The following SLC44A2 variants were observed in gnomAD, a reference collection of about 807,000 sequenced individuals.
SLC44A2 encodes choline transporter-like protein 2.
Under a neutral mutation model 90.8 loss-of-function variants are expected in SLC44A2, and 57 were observed. The observed-to-expected ratio is 0.63, with a 90% CI of 0.51 to 0.78. The LOEUF is 0.78. SLC44A2 is among the 30% of genes least tolerant of loss of function. The pLI, the probability that SLC44A2 is intolerant of heterozygous loss-of-function variation, is 0.00. For synonymous variants in SLC44A2, 355 were observed against 360.7 expected (o/e 0.98, Z 0.18); for missense variants, 794 against 919.7 (o/e 0.86, Z 1.77).
At chr19:10,629,685 T>C (rs185824492) in intron 4 of SLC44A2, among the ~76,000 whole-genome samples, 1 of 152,124 alleles carries the variant, frequency 6.6e-6, no homozygotes, top group Admixed American at 6.6e-5. Context: ...TTAAGCGATC[T>C]TCCCACCTGG....
At chr19:10,639,461 A>G (rs1163874289) in intron 20 of SLC44A2, among the ~76,000 whole-genome samples, 1 of 152,034 alleles carries the variant, frequency 6.6e-6, no homozygotes, top group Non-Finnish European at 1.5e-5. Flanking sequence ...AGGTGGTGCC[A>G]TGCAGGTGAT....
At chr19:10,609,103 A>G (rs1918206105) in intron 1 of SLC44A2, among the ~76,000 whole-genome samples, 1 of 147,928 alleles carries the variant, frequency 6.8e-6, no homozygotes, top group South Asian at 2.1e-4. Flanking sequence ...GATTACAGGC[A>G]TGTGCCACCA....
intron 2 of SLC44A2, 86 bp from the exon 3 acceptor site, chr19:10,627,636 T>G: frequency 7.1e-7 from 1 of 1,399,576 alleles, no homozygotes; most frequent in Non-Finnish European, 1.0e-6. Context: ...AAATAACACA[T>G]GGATGAGGGT....
At chr19:10,612,837 A>C (rs1167151203) in intron 1 of SLC44A2, among the ~76,000 whole-genome samples, 19 of 152,086 alleles carry the variant, frequency 1.2e-4, no homozygotes, top group Non-Finnish European at 7.4e-5. Context: ...CAATTTTCCC[A>C]ATTTTTCTTC....
upstream of SLC44A2, among the ~76,000 whole-genome samples, chr19:10,621,277 G>A (rs187868748): frequency 2.6e-5 from 4 of 151,958 alleles, no homozygotes; most frequent in East Asian, 1.9e-4. Context: ...ACTTGAACCC[G>A]GGAGGTGGAG....
chr19:10,642,810 T>C, intron 21 of SLC44A2: 1 of 1,450,742 alleles, frequency 6.9e-7, no homozygotes. Flanking sequence ...CCATGCCTGC[T>C]GGCTTCCCTG....
intron 14 of SLC44A2, chr19:10,635,863 C>G (rs1405096261): frequency 8.1e-6 from 2 of 246,912 alleles, no homozygotes; most frequent in African/African-American, 4.7e-5. Context: ...ACTGCAACTT[C>G]CAACTCCCTG....
chr19:10,621,982 G>C (rs1470325797), upstream of SLC44A2, among the ~76,000 whole-genome samples: 2 of 152,148 alleles, frequency 1.3e-5, no homozygotes, highest in African/African-American at 4.8e-5. Context: ...GGCTGGTCTC[G>C]AACTACTGGC....
intron 16 of SLC44A2, 109 bp from the exon 17 acceptor site, chr19:10,637,535 G>T (rs983131475): frequency 4.7e-5 from 46 of 970,250 alleles, no homozygotes; most frequent in Middle Eastern, 3.1e-4. Context: ...TTGACAGCGT[G>T]GACTCAGGAG....
upstream of SLC44A2, among the ~76,000 whole-genome samples, chr19:10,622,070 A>G (rs2144831569): frequency 6.6e-6 from 1 of 152,322 alleles, no homozygotes; most frequent in African/African-American, 2.4e-5. Flanking sequence ...CCAAGGTGAT[A>G]TTTCAGGCAA....
Position 10,637,933 on chromosome 19 carries a change from G to C in SLC44A2, c.1769+4G>C. 2 of 1,614,020 alleles carry C rather than the reference G, an allele frequency of 1.2e-6. No individual in the cohort carries two copies. The highest frequency in any genetic ancestry group is 2.2e-5 in the South Asian group (2 of 91,058). ...TGCTCATGAGAAACATCATCAGGTCGGGAATCATTATCATCTTCCTCCTGC... is the reference window on the plus strand; with the variant it reads ...TGCTCATGAGAAACATCATCAGGTCCGGAATCATTATCATCTTCCTCCTGC... On this transcript the variant is annotated splice_donor_region_variant and intron_variant, in intron 18 of 21. Coordinates refer to ENST00000335757, the MANE Select transcript of SLC44A2 (RefSeq NM_020428.4).
chr19:10,625,258 C>A (rs904971436), upstream of SLC44A2: 10 of 240,316 alleles, frequency 4.2e-5, no homozygotes, highest in Non-Finnish European at 7.1e-5. Context: ...CTCCCAGTGC[C>A]TCAGTTTCCA....
chr19:10,618,295 C>T (rs1032111049), intron 1 of SLC44A2, among the ~76,000 whole-genome samples: 1 of 151,620 alleles, frequency 6.6e-6, no homozygotes, highest in Non-Finnish European at 1.5e-5. Flanking sequence ...CTGCCTCAGC[C>T]TCCCGAGTAG....
intron 14 of SLC44A2, chr19:10,635,984 A>G (rs145850614): frequency 0.016 from 4,663 of 298,568 alleles, 204 homozygotes; most frequent in African/African-American, 0.094. Context: ...TCACCATGTT[A>G]GCCAGGATGG....
At chr19:10,629,517 A>C (rs1257199176) in intron 4 of SLC44A2, among the ~76,000 whole-genome samples, 1 of 151,348 alleles carries the variant, frequency 6.6e-6, no homozygotes, top group Non-Finnish European at 1.5e-5. Context: ...ACCTCAGGTT[A>C]TCTGCCTGCC....
At chr19:10,621,443 G>GTTTTTT (rs2066894701), upstream of SLC44A2, among the ~76,000 whole-genome samples, 31 of 55,060 alleles carry the variant, frequency 5.6e-4, no homozygotes, top group African/African-American at 1.4e-3. Context: ...TTTTTTTTTG[G>GTTTTTT]TTTTTGTGGG....
intron 10 of SLC44A2, among the ~76,000 whole-genome samples, chr19:10,634,348 C>T (rs1346884842): frequency 6.6e-6 from 1 of 151,310 alleles, no homozygotes; most frequent in Non-Finnish European, 1.5e-5. Context: ...CCTGTAATCC[C>T]AGCTGCTCGG....
chr19:10,636,916 G>A, intron 16 of SLC44A2, 160 bp downstream of exon 16: 2 of 742,432 alleles, frequency 2.7e-6, no homozygotes, highest in East Asian at 5.5e-5. Flanking sequence ...GCGTGATTGA[G>A]TCCTGCGATG....
intron 1 of SLC44A2, among the ~76,000 whole-genome samples, chr19:10,610,209 A>C (rs1024934180): frequency 1.3e-5 from 2 of 151,904 alleles, no homozygotes; most frequent in Non-Finnish European, 2.9e-5. Flanking sequence ...AAAGAAAAAA[A>C]AATATATATA....
Sources: allele counts gnomAD v4.1 joint callset (sites outside exome capture counted in the v4.1 genomes callset), GRCh38; gene constraint gnomAD v4.1.1; transcripts MANE v1.5; gene names NCBI Gene and HGNC (gene_info 2026-07-23, HGNC 2026-07-21).